Variants in DHRS3 observed in about 807,000 individuals in gnomAD.
DHRS3 encodes the protein short-chain dehydrogenase/reductase 3.
In DHRS3, 14 loss-of-function variants were observed where a neutral mutation model predicts 27.2. That is an observed-to-expected ratio of 0.52 (90% CI 0.34 to 0.81). The LOEUF (loss-of-function observed/expected upper bound fraction) is 0.81. DHRS3 is among the 30% of genes least tolerant of loss of function. DHRS3 has a pLI of 0.01. For synonymous variants in DHRS3, 165 were observed against 175.9 expected, an observed-to-expected ratio of 0.94 and a Z score of 0.49; for missense variants, 322 against 406.2, an observed-to-expected ratio of 0.79 and a Z score of 1.78.
intron 1 of DHRS3, among the ~76,000 whole-genome samples, chr1:12,585,906 C>T (rs968580020): frequency 1.3e-5 from 2 of 152,196 alleles, no homozygotes; most frequent in African/African-American, 4.8e-5. Context: ...TCTTAGTGAA[C>T]TCGGGACAGG....
intron 1 of DHRS3, among the ~76,000 whole-genome samples, chr1:12,595,428 G>A (rs1378578121): frequency 6.6e-6 from 1 of 151,356 alleles, no homozygotes; most frequent in Non-Finnish European, 1.5e-5. Context: ...GGTCCCGGGA[G>A]GGGCTGGGCG....
At position 12,568,170 on chromosome 1, in the gene DHRS3, C is replaced by A. The variant is rs200769329; in HGVS notation, c.*170G>T. ...GTGGGGGTCAGTTATACCCATCAGT[C>A]CTGTGCAAAGGTCCTGGGACTGGCC... is the stretch of plus-strand genomic sequence containing the variant. On this transcript the variant is annotated 3_prime_UTR_variant, in exon 6 of 6. Coordinates refer to ENST00000616661, the MANE Select transcript of DHRS3 (RefSeq NM_004753.7). The A allele has an allele frequency of 4.8e-6, 3 of 629,402 alleles. No individual in the cohort carries two copies. The East Asian group carries it at 8.4e-5, about 18-fold the overall frequency. The allele number at this position is 629,402 out of a possible 1,614,324, so 39.0% of individuals were successfully genotyped here.
intron 1 of DHRS3, among the ~76,000 whole-genome samples, chr1:12,589,867 T>TATG (rs998567283): frequency 3.3e-5 from 5 of 151,842 alleles, no homozygotes; most frequent in African/African-American, 1.2e-4. Context: ...TTATTATTAT[T>TATG]AGCACAGCAA....
intron 1 of DHRS3, among the ~76,000 whole-genome samples, chr1:12,587,004 C>T (rs1646702318): frequency 6.6e-6 from 1 of 152,150 alleles, no homozygotes; most frequent in Non-Finnish European, 1.5e-5. Context: ...CTGATACACC[C>T]TCTTCACTGC....
intron 5 of DHRS3, among the ~76,000 whole-genome samples, chr1:12,569,715 G>A (rs372846284): frequency 3.9e-5 from 6 of 152,074 alleles, no homozygotes; most frequent in Admixed American, 6.6e-5. Flanking sequence ...ACAGGCATGC[G>A]CCACCATGCC....
In DHRS3 at chr1:12,576,010, G is replaced by T. The variant is rs531658522; in HGVS notation, c.698+2708C>A. ...GCGTGAGCCACCGTGCCCAGCTGGGGATACTATTATTATGAATCTCTTTTT... is the reference window on the plus strand; with the variant it reads ...GCGTGAGCCACCGTGCCCAGCTGGGTATACTATTATTATGAATCTCTTTTT... On this transcript the variant is annotated intron_variant, in intron 4 of 5. Coordinates refer to ENST00000616661, the MANE Select transcript of DHRS3 (RefSeq NM_004753.7). Among the ~76,000 whole-genome samples the T allele has an allele frequency of 1.4e-4, 21 of 151,940 alleles. No homozygotes were observed. In the South Asian group the frequency reaches 4.2e-3, roughly 30 times the overall value.
At chr1:12,581,877 C>T (rs1646647679) in intron 1 of DHRS3, among the ~76,000 whole-genome samples, 1 of 152,188 alleles carries the variant, frequency 6.6e-6, no homozygotes, top group Non-Finnish European at 1.5e-5. Flanking sequence ...GGGAATTCGT[C>T]CGGTGGGCTT....
intron 2 of DHRS3, chr1:12,580,098 C>G (rs533152856): frequency 2.8e-5 from 8 of 288,392 alleles, no homozygotes; most frequent in South Asian, 2.1e-4. Context: ...ACCTGGCACA[C>G]AGCATATTTA....
chr1:12,592,777 A>G lies in DHRS3; in HGVS notation c.196-12111T>C, dbSNP rs4240901. ...CAGCCCCAGGCTCCCGAGGCTGGGA[A>G]GTGACGGAGGCTGCTTCCCCTCCAC... is the stretch of plus-strand genomic sequence containing the variant. On this transcript the variant is annotated intron_variant, in intron 1 of 5. Coordinates refer to ENST00000616661, the MANE Select transcript of DHRS3 (RefSeq NM_004753.7). The surrounding 1 kb of genome is among the most constrained non-coding windows in gnomAD (Gnocchi z 4.2). Among the ~76,000 whole-genome samples, 9,701 of 152,248 alleles carry G rather than the reference A, an allele frequency of 0.064. 941 individuals are homozygous for G. The highest frequency in any genetic ancestry group is 0.21 in the African/African-American group (8,784 of 41,496).
Position 12,578,789 on chromosome 1 carries a change from A to G in DHRS3, c.627T>C (p.Cys209=). 1 of 1,614,030 alleles carries G rather than the reference A, an allele frequency of 6.2e-7. No individual in the cohort carries two copies. The highest frequency in any genetic ancestry group is 8.5e-7 in the Non-Finnish European group (1 of 1,180,018). Residue 209 remains cysteine (C), a synonymous_variant, in exon 4 of 6, where the codon TGT becomes TGC. Transcript: ENST00000616661. This position sits in a 1 kb window ranked among gnomAD's most constrained non-coding sequence, Gnocchi z 4.5. ...GCACTGTGGTGGCGCTGACTCCCGG[A>G]CAGTCCAGCAGCCCCAGGGTCAGGC... ...MESLTLGLLD[C]PGVSATTVLP...
In DHRS3 at chr1:12,591,993, G is replaced by A. The variant is rs1646750799; in HGVS notation, c.196-11327C>T. Among the ~76,000 whole-genome samples the A allele has an allele frequency of 6.6e-6, 1 of 152,182 alleles. No individual in the cohort carries two copies. Reference sequence around the variant, plus strand: ...GCGAGGACACTGGGGCTCTGATGGGGCTCAGGTGGGAGGACAGGTGAGGAC... The same window carrying A: ...GCGAGGACACTGGGGCTCTGATGGGACTCAGGTGGGAGGACAGGTGAGGAC... On this transcript the variant is annotated intron_variant, in intron 1 of 5. Transcript: ENST00000616661. The surrounding 1 kb of genome is among the most constrained non-coding windows in gnomAD (Gnocchi z 4.1).
chr1:12,602,114 T>G, intron 1 of DHRS3, among the ~76,000 whole-genome samples: 1 of 152,220 alleles, frequency 6.6e-6, no homozygotes, highest in East Asian at 1.9e-4. Context: ...AACCCCTGAC[T>G]TTGGCCTCAC....
intron 1 of DHRS3, among the ~76,000 whole-genome samples, chr1:12,590,285 T>A (rs1646734674): frequency 6.6e-6 from 1 of 151,912 alleles, no homozygotes; most frequent in Non-Finnish European, 1.5e-5. Flanking sequence ...TCACCCAGAG[T>A]GGTGACACTT....
Position 12,586,432 on chromosome 1 carries a change from T to A in DHRS3, c.196-5766A>T, listed in dbSNP as rs965247325. 6.6e-6 allele frequency among the ~76,000 whole-genome samples: 1 copy of A among 151,806 alleles called. No individual in the cohort carries two copies. Among genetic ancestry groups the A allele is most frequent in the Non-Finnish European group, 1.5e-5 (1 of 67,936 alleles). ...CCCACCCAGCCAGCCTTCTCCTGCT[T>A]CGTCTCCTCCAATGTCCACAACAGC... On this transcript the variant is annotated intron_variant, in intron 1 of 5. Transcript: ENST00000616661. The surrounding 1 kb of genome is among the most constrained non-coding windows in gnomAD (Gnocchi z 5.0).
At chr1:12,607,843 GTA>G (rs1446474179) in intron 1 of DHRS3, among the ~76,000 whole-genome samples, 1 of 149,894 alleles carries the variant, frequency 6.7e-6, no homozygotes, top group Non-Finnish European at 1.5e-5. Flanking sequence ...ATATATTTGT[GTA>G]TATGTGTGTG....
chr1:12,596,422 T>G (rs1410979138), intron 1 of DHRS3: 1 of 152,230 alleles, frequency 6.6e-6, no homozygotes, highest in Admixed American at 6.5e-5. Flanking sequence ...AGCTCATTAC[T>G]TCTCCCTTGC....
Position 12,580,159 on chromosome 1 carries a change from A to G in DHRS3, c.339+364T>C, listed in dbSNP as rs1490401782. 8.7e-6 allele frequency: 3 copies of G among 345,450 alleles called. No homozygotes were observed. The Admixed American group carries it at 1.3e-4, about 15-fold the overall frequency. 21.4% of individuals were successfully genotyped at this position (345,450 alleles called of 1,614,324 possible). On this transcript the variant is annotated intron_variant, in intron 2 of 5. Transcript: ENST00000616661. ...AAAACAGTTAACATTACCACGTGCCAGACAGTCAGGGTGGGTTTCCCTCTC... is the reference window on the plus strand; with the variant it reads ...AAAACAGTTAACATTACCACGTGCCGGACAGTCAGGGTGGGTTTCCCTCTC...
intron 5 of DHRS3, 90 bp from the exon 6 acceptor site, chr1:12,568,514 C>G: frequency 7.9e-7 from 1 of 1,273,450 alleles, no homozygotes; most frequent in Non-Finnish European, 1.1e-6. Flanking sequence ...GACGGGGCAG[C>G]AGAGGGCTGG....
chr1:12,583,752 C>T (rs900015585), intron 1 of DHRS3, among the ~76,000 whole-genome samples: 1 of 150,930 alleles, frequency 6.6e-6, no homozygotes, highest in Non-Finnish European at 1.5e-5. Context: ...ATGCACTCAC[C>T]CACTCCACTC....
Sources: gnomAD v4.1 joint callset for allele counts (sites outside exome capture counted in the v4.1 genomes callset) on GRCh38, gnomAD v4.1.1 for gene constraint, Gnocchi (gnomAD v3.1) non-coding constraint, MANE v1.5 for transcripts, NCBI Gene and HGNC (gene_info 2026-07-23, HGNC 2026-07-21) for gene names.